Variants in CAMSAP1 observed in about 807,000 individuals in gnomAD.
CAMSAP1 encodes calmodulin-regulated spectrin-associated protein 1.
CAMSAP1 carries 58 observed loss-of-function variants against 143.5 expected under a neutral mutation model. The observed-to-expected ratio is 0.40, with a 90% CI of 0.33 to 0.50. The LOEUF (loss-of-function observed/expected upper bound fraction) is 0.50. Among genes scored for constraint, CAMSAP1 ranks in the 20% least tolerant of loss-of-function variants. The probability of loss-of-function intolerance (pLI) is 0.45; values close to 1 mark genes in which losing one functional copy is unlikely to be tolerated. For synonymous variants in CAMSAP1, 945 were observed against 859.3 expected, an observed-to-expected ratio of 1.10 and a Z score of -1.74; for missense variants, 1,969 against 2,115.7, an observed-to-expected ratio of 0.93 and a Z score of 1.36.
Position 135,866,517 on chromosome 9 carries a change from T to G in CAMSAP1, c.605A>C (p.Glu202Ala). ...TAATTTAACTTCTTTCTCTGTTATC[T>G]CTCTCATTTTAAGATTTACCTAAAG... The part of the protein sequence containing the change: ...WINKVNLKMR[E>A]ITEKEVKLKQ... The change falls in exon 4 of 17, where the codon GAG (glutamate) becomes GCG (alanine). Residue 202 changes from glutamate to alanine, a missense_variant. This residue lies in a region of CAMSAP1 where 221 missense variants were observed against 298.2 expected (regional missense o/e 0.74). Coordinates refer to ENST00000389532, the MANE Select transcript of CAMSAP1 (RefSeq NM_015447.4). 1.4e-6 allele frequency: 2 copies of G among 1,452,052 alleles called. No individual in the cohort carries two copies. Among genetic ancestry groups the G allele is most frequent in the Non-Finnish European group, 1.9e-6 (2 of 1,056,492 alleles). 89.9% of individuals were successfully genotyped at this position (1,452,052 alleles called of 1,614,324 possible).
intron 1 of CAMSAP1, among the ~76,000 whole-genome samples, chr9:135,888,399 C>T (rs578220810): frequency 1.3e-5 from 2 of 152,322 alleles, no homozygotes; most frequent in East Asian, 1.9e-4. Flanking sequence ...CGGCAGCACA[C>T]GGCAAAGACC....
intron 7 of CAMSAP1, among the ~76,000 whole-genome samples, chr9:135,848,504 G>GACAC (rs35091764): frequency 2.5e-4 from 37 of 150,452 alleles, no homozygotes; most frequent in African/African-American, 7.8e-4. Context: ...TTTAGCCCCA[G>GACAC]ACACACACAC....
chr9:135,875,430 C>G, intron 3 of CAMSAP1, among the ~76,000 whole-genome samples: 1 of 152,036 alleles, frequency 6.6e-6, no homozygotes, highest in East Asian at 1.9e-4. Context: ...AGGCTGGTCT[C>G]GAACTCCTGA....
rs750125312 is a variant in CAMSAP1 at position 135,822,403 on chromosome 9, A to G, written c.2258T>C (p.Met753Thr). ...VDIEEAEHDFMGEAHPVVFSR... is the reference protein window; with the variant it reads ...VDIEEAEHDFTGEAHPVVFSR... ...GAAAACCACAGGATGGGCCTCACCC[A>G]TGAAATCGTGCTCGGCTTCCTCTAT... The change falls in exon 11 of 17, where the codon ATG becomes ACG. Residue 753 changes from methionine (M) to threonine (T), a missense_variant. Coordinates refer to ENST00000389532, the MANE Select transcript of CAMSAP1 (RefSeq NM_015447.4). This position sits in a 1 kb window ranked among gnomAD's most constrained non-coding sequence, Gnocchi z 6.1. 2 of 1,613,996 alleles carry G rather than the reference A, an allele frequency of 1.2e-6. No homozygotes were observed. Among genetic ancestry groups the G allele is most frequent in the South Asian group, 1.1e-5 (1 of 91,082 alleles).
chr9:135,900,662 T>G (rs1164680210), intron 1 of CAMSAP1, among the ~76,000 whole-genome samples: 2 of 151,376 alleles, frequency 1.3e-5, no homozygotes, highest in Non-Finnish European at 2.9e-5. Flanking sequence ...GCCACTGCAC[T>G]CCAGCCTGGG....
chr9:135,815,174 G>A lies in CAMSAP1; in HGVS notation c.4429C>T (p.Pro1477Ser). Residue 1477 changes from proline to serine, a missense_variant, in exon 16 of 17, where the codon CCG becomes TCG. Physicochemically the swap from Pro to Ser is moderately conservative, Grantham distance 74 (BLOSUM62 -1). Around this residue, in one of 4 missense-constraint regions of CAMSAP1, gnomAD observed 143 missense variants for 200.6 expected, o/e 0.71. Coordinates refer to ENST00000389532, the MANE Select transcript of CAMSAP1 (RefSeq NM_015447.4). ...TGGGATATGGCATTGTGAATAATCGGCTTGTTTGATTTACTACTGGGCTCC... is the reference window on the plus strand; with the variant it reads ...TGGGATATGGCATTGTGAATAATCGACTTGTTTGATTTACTACTGGGCTCC... Reference protein sequence around the residue: ...FKEPSSKSNKPIIHNAISHCC... With the variant: ...FKEPSSKSNKSIIHNAISHCC... The A allele has an allele frequency of 1.2e-6, 2 of 1,613,760 alleles. No individual in the cohort carries two copies. The highest frequency in any genetic ancestry group is 1.7e-6 in the Non-Finnish European group (2 of 1,179,820).
chr9:135,902,223 C>A (rs1296803882), intron 1 of CAMSAP1, among the ~76,000 whole-genome samples: 1 of 152,200 alleles, frequency 6.6e-6, no homozygotes, highest in Non-Finnish European at 1.5e-5. Context: ...CAGAAACACC[C>A]AAATCCCTTG....
intron 5 of CAMSAP1, among the ~76,000 whole-genome samples, chr9:135,859,346 A>G (rs998279435): frequency 3.9e-5 from 6 of 152,192 alleles, no homozygotes; most frequent in Non-Finnish European, 8.8e-5. Flanking sequence ...TTTCTGTTAC[A>G]TAAGTCAGCA....
At position 135,862,578 on chromosome 9, in the gene CAMSAP1, T is replaced by C; in HGVS notation, c.697A>G (p.Arg233Gly). 3.2e-6 allele frequency: 5 copies of C among 1,551,784 alleles called. No individual in the cohort carries two copies. Among genetic ancestry groups the C allele is most frequent in the Non-Finnish European group, 4.4e-6 (5 of 1,147,014 alleles). ...VRYRREHLSA[R>G]QSPYFPLLED... The stretch of plus-strand genomic sequence containing the variant: ...AACAACGGGAAGTAGGGTGACTGCC[T>C]AGCAGAAAGGTGCTCTCGTCGATAG... The change falls in exon 5 of 17, where the codon AGG becomes GGG. Residue 233 changes from arginine (R) to glycine (G), a missense_variant. Coordinates refer to ENST00000389532, the MANE Select transcript of CAMSAP1 (RefSeq NM_015447.4).
At chr9:135,869,106 G>T (rs1398792191) in intron 3 of CAMSAP1, among the ~76,000 whole-genome samples, 3 of 152,096 alleles carry the variant, frequency 2.0e-5, no homozygotes, top group Admixed American at 6.5e-5. Flanking sequence ...TAATAACAGA[G>T]TATAAAAACT....
At chr9:135,848,297 C>T (rs1051423192) in intron 7 of CAMSAP1, among the ~76,000 whole-genome samples, 1 of 151,962 alleles carries the variant, frequency 6.6e-6, no homozygotes, top group Non-Finnish European at 1.5e-5. Context: ...GCAAGGTAAC[C>T]CAGTTCTAAG....
At chr9:135,888,186 A>T (rs921358680) in intron 1 of CAMSAP1, among the ~76,000 whole-genome samples, 3 of 152,208 alleles carry the variant, frequency 2.0e-5, no homozygotes, top group Non-Finnish European at 4.4e-5. Context: ...GAACAACGAA[A>T]GGGTCTATCT....
Position 135,818,688 on chromosome 9 carries a change from T to C in CAMSAP1, c.3960-72A>G. On this transcript the variant is annotated intron_variant, in intron 12 of 16. Transcript: ENST00000389532. This position sits in a 1 kb window ranked among gnomAD's most constrained non-coding sequence, Gnocchi z 7.7. ...CCACGACGCCTGCGCCGCGGCGCTC[T>C]GTCCAGGCGCGTTTCTCGGGTTCTC... 1 of 1,505,526 alleles carries C rather than the reference T, an allele frequency of 6.6e-7. No individual in the cohort carries two copies. Among genetic ancestry groups the C allele is most frequent in the African/African-American group, 1.4e-5 (1 of 72,138 alleles). The allele number at this position is 1,505,526 out of a possible 1,614,324, so 93.3% of individuals were successfully genotyped here.
chr9:135,862,180 G>A (rs1482210158), intron 5 of CAMSAP1, among the ~76,000 whole-genome samples: 7 of 51,820 alleles, frequency 1.4e-4, no homozygotes, highest in Non-Finnish European at 2.3e-4. Flanking sequence ...ACCCCACCCC[G>A]GGCTAAGGTG....
chr9:135,887,412 G>A (rs1052716413), intron 1 of CAMSAP1, among the ~76,000 whole-genome samples: 1 of 152,204 alleles, frequency 6.6e-6, no homozygotes, highest in African/African-American at 2.4e-5. Flanking sequence ...ACAGAAGGAA[G>A]GAAGTGAGAA....
In CAMSAP1 at chr9:135,905,019, G is replaced by A. The variant is rs140088699; in HGVS notation, c.160+1981C>T. On this transcript the variant is annotated intron_variant, in intron 1 of 16. Transcript: ENST00000389532. The stretch of plus-strand genomic sequence containing the variant: ...CTCCTAAAATCGGAGTCTGATGTGC[G>A]AAGGCACTGTCACCCACCAGTAAGG... Among the ~76,000 whole-genome samples the A allele has an allele frequency of 3.4e-3, 516 of 151,894 alleles. 3 individuals carry two copies. Among genetic ancestry groups the A allele is most frequent in the Middle Eastern group, 0.014 (4 of 286 alleles).
chr9:135,896,419 A>G (rs142904315), intron 1 of CAMSAP1, among the ~76,000 whole-genome samples: 4 of 152,354 alleles, frequency 2.6e-5, no homozygotes, highest in Admixed American at 6.5e-5. Flanking sequence ...AAAGAGGAAC[A>G]GACAAATCTA....
At chr9:135,860,842 T>TAA (rs1478072242) in intron 5 of CAMSAP1, among the ~76,000 whole-genome samples, 2 of 152,202 alleles carry the variant, frequency 1.3e-5, no homozygotes, top group Admixed American at 6.5e-5. Flanking sequence ...GCAGGGGTTC[T>TAA]CCTCAGTGGG....
In CAMSAP1 at chr9:135,905,023, G is replaced by A. The variant is rs75236414; in HGVS notation, c.160+1977C>T. Among the ~76,000 whole-genome samples the A allele has an allele frequency of 6.5e-3, 991 of 152,130 alleles. 5 individuals are homozygous for A. Among genetic ancestry groups the A allele is most frequent in the African/African-American group, 0.022 (921 of 41,506 alleles). On this transcript the variant is annotated intron_variant, in intron 1 of 16. Coordinates refer to ENST00000389532, the MANE Select transcript of CAMSAP1 (RefSeq NM_015447.4). ...TAAAATCGGAGTCTGATGTGCGAAG[G>A]CACTGTCACCCACCAGTAAGGGGCA...
Sources: allele counts gnomAD v4.1 joint callset (sites outside exome capture counted in the v4.1 genomes callset), GRCh38; gene constraint gnomAD v4.1.1; regional missense constraint gnomAD v4.1.1; non-coding constraint Gnocchi (gnomAD v3.1); transcripts MANE v1.5; gene names NCBI Gene and HGNC (gene_info 2026-07-23, HGNC 2026-07-21).